FAM171B: variants seen among roughly 807,000 people sequenced by gnomAD.
The protein encoded by FAM171B is protein FAM171B.
Under a neutral mutation model 75.6 loss-of-function variants are expected in FAM171B, and 19 were observed. The observed-to-expected ratio is 0.25, with a 90% confidence interval of 0.18 to 0.37. The LOEUF (loss-of-function observed/expected upper bound fraction) is 0.37, where lower values mean the gene tolerates loss of function less well. FAM171B is among the 10% of genes least tolerant of loss of function. The probability of loss-of-function intolerance (pLI) is 1.00; values close to 1 mark genes in which losing one functional copy is unlikely to be tolerated. For synonymous variants in FAM171B, 367 were observed against 361.7 expected, an observed-to-expected ratio of 1.01 and a Z score of -0.17; for missense variants, 848 against 982.4, an observed-to-expected ratio of 0.86 and a Z score of 1.83.
At chr2:186,694,487 C>T in intron 1 of FAM171B, 76 bp downstream of exon 1, 3 of 1,503,386 alleles carry the variant, frequency 2.0e-6, no homozygotes, top group Non-Finnish European at 2.7e-6. Flanking sequence ...TTCCTCGCCC[C>T]TTCCCTATCC....
chr2:186,738,633 C>T (rs1204315378), intron 1 of FAM171B, among the ~76,000 whole-genome samples: 1 of 152,106 alleles, frequency 6.6e-6, no homozygotes, highest in Admixed American at 6.5e-5. Flanking sequence ...TTCAGGCTTT[C>T]TTTGGCTTGA....
chr2:186,734,362 C>G (rs1298212781), intron 1 of FAM171B, among the ~76,000 whole-genome samples: 1 of 152,008 alleles, frequency 6.6e-6, no homozygotes, highest in African/African-American at 2.4e-5. Context: ...ATGAGTACAG[C>G]TCTCAGCCTA....
At position 186,694,203 on chromosome 2, in the gene FAM171B, C is replaced by T. The variant is rs1462646520; in HGVS notation, c.30C>T (p.Cys10=). The change falls in exon 1 of 8, where the codon TGC becomes TGT. Residue 10 remains cysteine, a synonymous_variant. Transcript: ENST00000304698. MARLCRRVP[C]TLLLGLAVVL... ...CGAGGCTCTGCCGGCGTGTCCCCTG[C>T]ACCCTGCTTCTCGGCCTGGCCGTGG... 1 of 1,606,636 alleles carries T rather than the reference C, an allele frequency of 6.2e-7. No homozygotes were observed. The highest frequency in any genetic ancestry group is 8.5e-7 in the Non-Finnish European group (1 of 1,179,640).
At chr2:186,747,619 T>A (rs953790520) in intron 4 of FAM171B, among the ~76,000 whole-genome samples, 11 of 152,100 alleles carry the variant, frequency 7.2e-5, no homozygotes, top group Non-Finnish European at 1.5e-4. Context: ...TTTTCATAAT[T>A]TGATGTATTC....
chr2:186,720,351 T>C (rs1319656725), intron 1 of FAM171B, among the ~76,000 whole-genome samples: 1 of 152,218 alleles, frequency 6.6e-6, no homozygotes, highest in Non-Finnish European at 1.5e-5. Context: ...ATATTATTTA[T>C]TGGCTAATTT....
In FAM171B at chr2:186,743,509, T is replaced by C; in HGVS notation, c.499T>C (p.Phe167Leu). 1.9e-6 allele frequency: 3 copies of C among 1,612,604 alleles called. No homozygotes were observed. Among genetic ancestry groups the C allele is most frequent in the Non-Finnish European group, 2.5e-6 (3 of 1,178,758 alleles). Residue 167 changes from phenylalanine to leucine, a missense_variant, in exon 3 of 8, where the codon TTC (phenylalanine) becomes CTC (leucine). Around this residue, in one of 3 missense-constraint regions of FAM171B, gnomAD observed 665 missense variants for 729.0 expected, o/e 0.91. Transcript: ENST00000304698. ...PIYSSVTLSL[F>L]PQSQANIWLF... is the part of the protein sequence containing the mutation. ...ATATTCATCAGTTACACTTTCACTG[T>C]TCCCGCAAAGCCAAGCAAATATATG...
Position 186,740,405 on chromosome 2 carries a change from C to T in FAM171B, c.416C>T (p.Ala139Val). 6.2e-7 allele frequency: 1 copy of T among 1,614,014 alleles called. No individual in the cohort carries two copies. Among genetic ancestry groups the T allele is most frequent in the Non-Finnish European group, 8.5e-7 (1 of 1,179,928 alleles). The change falls in exon 2 of 8, where the codon GCT becomes GTT. Residue 139 changes from alanine (A) to valine (V), a missense_variant. Ala to Val is a moderately conservative substitution (Grantham distance 64). This residue lies in a region of FAM171B where 665 missense variants were observed against 729.0 expected (regional missense o/e 0.91). Transcript: ENST00000304698. ...TTAGGACTTAGTTTAACTATTATTG[C>T]TTACAAAGATGGCTACGTGTTGACC... ...YKLGLSLTII[A>V]YKDGYVLTPL...
Position 186,761,812 on chromosome 2 carries a change from G to C in FAM171B, c.1470G>C (p.Gly490=). ...NPTQSLEPNV[G]SKQPKHINNN... is the part of the protein sequence containing the mutation. The stretch of plus-strand genomic sequence containing the variant: ...CACAGTCTTTGGAGCCCAATGTAGG[G>C]TCCAAACAACCTAAACATATTAACA... The change falls in exon 8 of 8, where the codon GGG becomes GGC. Residue 490 remains glycine, a synonymous_variant. Transcript: ENST00000304698. 1 of 1,613,082 alleles carries C rather than the reference G, an allele frequency of 6.2e-7. No homozygotes were observed. Among genetic ancestry groups the C allele is most frequent in the Non-Finnish European group, 8.5e-7 (1 of 1,179,738 alleles).
Position 186,761,892 on chromosome 2 carries a change from G to A in FAM171B, c.1550G>A (p.Gly517Asp). ...CAAGATGAAAAGAGGTATCTCACAGGTAATGAGGAGGCGTATGGGCGTTCC... is the reference window on the plus strand; with the variant it reads ...CAAGATGAAAAGAGGTATCTCACAGATAATGAGGAGGCGTATGGGCGTTCC... ...DAQDEKRYLT[G>D]NEEAYGRSHI... Residue 517 changes from glycine (G) to aspartate (D), a missense_variant, in exon 8 of 8, where the codon GGT becomes GAT. Physicochemically the swap from Gly to Asp is moderately conservative, Grantham distance 94. Coordinates refer to ENST00000304698, the MANE Select transcript of FAM171B (RefSeq NM_177454.4). The A allele has an allele frequency of 6.2e-7, 1 of 1,613,136 alleles. No homozygotes were observed. The highest frequency in any genetic ancestry group is 2.2e-5 in the East Asian group (1 of 44,810).
chr2:186,747,165 C>T lies in FAM171B; in HGVS notation c.639C>T (p.Asn213=), dbSNP rs147291112. 7.8e-5 allele frequency: 126 copies of T among 1,608,328 alleles called. No homozygotes were observed. The East Asian group carries it at 1.1e-3, about 14-fold the overall frequency. ...IKLPDNHHIS[N]VTGYLTVLQQ... is the part of the protein sequence containing the mutation. Reference sequence around the variant, plus strand: ...TTCCTGACAACCATCATATTAGCAACGTTACTGGCTATCTTACAGTTCTAC... The same window carrying T: ...TTCCTGACAACCATCATATTAGCAATGTTACTGGCTATCTTACAGTTCTAC... The change falls in exon 4 of 8, where the codon AAC becomes AAT. Residue 213 remains asparagine (N), a synonymous_variant. Transcript: ENST00000304698.
intron 1 of FAM171B, among the ~76,000 whole-genome samples, chr2:186,707,639 A>C (rs548930363): frequency 6.6e-6 from 1 of 152,136 alleles, no homozygotes; most frequent in Admixed American, 6.5e-5. Flanking sequence ...TCTCAACTCC[A>C]GCTTCTTTCC....
chr2:186,751,300 C>T lies in FAM171B; in HGVS notation c.891C>T (p.Asn297=), dbSNP rs1258621351. The stretch of plus-strand genomic sequence containing the variant: ...TACCTGCTTGGACATTTGATATGAA[C>T]ACAGGTATGTGAGCTAGGTTAAAAT... ...DRIPAWTFDM[N]TGAWVNHGRG... is the part of the protein sequence containing the mutation. The change falls in exon 5 of 8, where the codon AAC becomes AAT. Residue 297 remains asparagine, a synonymous_variant. Coordinates refer to ENST00000304698, the MANE Select transcript of FAM171B (RefSeq NM_177454.4). 1 of 1,571,640 alleles carries T rather than the reference C, an allele frequency of 6.4e-7. No individual in the cohort carries two copies.
chr2:186,706,731 G>A (rs564346845), intron 1 of FAM171B, among the ~76,000 whole-genome samples: 3 of 152,134 alleles, frequency 2.0e-5, no homozygotes, highest in Admixed American at 6.5e-5. Context: ...AGATCAGGAT[G>A]CTATGCAGCG....
intron 6 of FAM171B, among the ~76,000 whole-genome samples, chr2:186,756,186 T>C (rs1043351310): frequency 6.6e-6 from 1 of 152,206 alleles, no homozygotes; most frequent in Non-Finnish European, 1.5e-5. Context: ...TTGGAAAAGA[T>C]GTTGTTTGGA....
chr2:186,729,871 C>T (rs1456477075), intron 1 of FAM171B, among the ~76,000 whole-genome samples: 1 of 152,166 alleles, frequency 6.6e-6, no homozygotes, highest in Non-Finnish European at 1.5e-5. Context: ...TAATGTGGTA[C>T]ATGGGACTTG....
chr2:186,762,041 C>G lies in FAM171B; in HGVS notation c.1699C>G (p.Gln567Glu). ...AKSATLPRKG[Q>E]LVYGQLMEPV... ...GTCAGCTACTTTGCCAAGAAAGGGA[C>G]AGTTAGTCTATGGCCAATTGATGGA... The change falls in exon 8 of 8, where the codon CAG (glutamine) becomes GAG (glutamate). Residue 567 changes from glutamine (Q) to glutamate (E), a missense_variant. Gln to Glu is a conservative substitution (Grantham distance 29). Transcript: ENST00000304698. This position sits in a 1 kb window ranked among gnomAD's most constrained non-coding sequence, Gnocchi z 4.0. 3.7e-6 allele frequency: 6 copies of G among 1,613,720 alleles called. No individual in the cohort carries two copies. Among genetic ancestry groups the G allele is most frequent in the Non-Finnish European group, 5.1e-6 (6 of 1,179,820 alleles).
At chr2:186,731,643 G>C (rs80106660) in intron 1 of FAM171B, among the ~76,000 whole-genome samples, 4 of 151,776 alleles carry the variant, frequency 2.6e-5, no homozygotes, top group Admixed American at 2.0e-4. Flanking sequence ...CATATATATC[G>C]GGTCTGAAAC....
Position 186,762,162 on chromosome 2 carries a change from T to C in FAM171B, c.1820T>C (p.Leu607Pro), listed in dbSNP as rs1181194691. The C allele has an allele frequency of 1.2e-6, 2 of 1,613,652 alleles. No individual in the cohort carries two copies. The highest frequency in any genetic ancestry group is 1.3e-5 in the African/African-American group (1 of 74,978). ...GATGCCAGGGAAGAGGATATCATAC[T>C]TGAAGGTCAACAGAGCCTGCCATCC... ...PPDAREEDII[L>P]EGQQSLPSQA... The change falls in exon 8 of 8, where the codon CTT becomes CCT. Residue 607 changes from leucine to proline, a missense_variant. Around this residue, in one of 3 missense-constraint regions of FAM171B, gnomAD observed 665 missense variants for 729.0 expected, o/e 0.91. Coordinates refer to ENST00000304698, the MANE Select transcript of FAM171B (RefSeq NM_177454.4). The surrounding 1 kb of genome is among the most constrained non-coding windows in gnomAD (Gnocchi z 4.0).
chr2:186,739,088 A>T (rs1352304605), intron 1 of FAM171B, among the ~76,000 whole-genome samples: 1 of 152,194 alleles, frequency 6.6e-6, no homozygotes, highest in Non-Finnish European at 1.5e-5. Flanking sequence ...ATCTAAACTG[A>T]CACTTATCTA....
Sources: allele counts gnomAD v4.1 joint callset (sites outside exome capture counted in the v4.1 genomes callset), GRCh38; gene constraint gnomAD v4.1.1; regional missense constraint gnomAD v4.1.1; non-coding constraint Gnocchi (gnomAD v3.1); transcripts MANE v1.5; gene names NCBI Gene and HGNC (gene_info 2026-07-23, HGNC 2026-07-21).